MCPH1: variants seen among roughly 807,000 people sequenced by gnomAD.
MCPH1 encodes microcephalin.
In MCPH1, 104 loss-of-function variants were observed where a neutral mutation model predicts 84.5. The observed-to-expected ratio is 1.23, with a 90% CI of 1.05 to 1.45. The LOEUF is 1.45. MCPH1 is among the 40% of genes most tolerant of loss of function. The probability of loss-of-function intolerance (pLI) is 0.00; values close to 1 mark genes in which losing one functional copy is unlikely to be tolerated. For missense variants in MCPH1, 1,498 were observed against 1,005.7 expected, an observed-to-expected ratio of 1.49 and a Z score of -6.62; for synonymous variants, 514 against 366.8, an observed-to-expected ratio of 1.40 and a Z score of -4.58.
chr8:6,443,407 T>C (rs1322886520), intron 7 of MCPH1, among the ~76,000 whole-genome samples: 1 of 147,880 alleles, frequency 6.8e-6, no homozygotes, highest in Non-Finnish European at 1.5e-5. Flanking sequence ...TGGGGCACAG[T>C]TGGAAGGGAA....
At chr8:6,582,697 T>C (rs540371571) in intron 12 of MCPH1, among the ~76,000 whole-genome samples, 7 of 152,198 alleles carry the variant, frequency 4.6e-5, no homozygotes, top group African/African-American at 1.7e-4. Flanking sequence ...AGGAAACCAC[T>C]GTCTGGAATC....
At chr8:6,416,440 G>A (rs1438872667) in intron 3 of MCPH1, among the ~76,000 whole-genome samples, 1 of 152,186 alleles carries the variant, frequency 6.6e-6, no homozygotes, top group African/African-American at 2.4e-5. Context: ...GATGGTAACT[G>A]TGGTTTGTGT....
intron 11 of MCPH1, among the ~76,000 whole-genome samples, chr8:6,486,243 T>C (rs768385538): frequency 1.3e-5 from 2 of 150,714 alleles, no homozygotes; most frequent in South Asian, 2.1e-4. Flanking sequence ...ATTATATACA[T>C]TGACTTTGTG....
Position 6,445,506 on chromosome 8 carries a change from C to A in MCPH1, c.1784C>A (p.Ser595Tyr). 1 of 1,610,024 alleles carries A rather than the reference C, an allele frequency of 6.2e-7. No homozygotes were observed. Among genetic ancestry groups the A allele is most frequent in the South Asian group, 1.1e-5 (1 of 90,074 alleles). Residue 595 changes from serine to tyrosine, a missense_variant, in exon 8 of 14, where the codon TCT becomes TAT. By Grantham distance (144) the Ser-to-Tyr change is moderately radical (BLOSUM62 -2). Coordinates refer to ENST00000344683, the MANE Select transcript of MCPH1 (RefSeq NM_024596.5). ...CFIVDCNMETSTEEKENLPGG... is the reference protein window; with the variant it reads ...CFIVDCNMETYTEEKENLPGG... ...ATAGTTGACTGTAACATGGAGACGT[C>A]TACAGAAGAGAAGGAAAACTTACCC...
At chr8:6,596,577 G>T (rs1828940121) in intron 12 of MCPH1, among the ~76,000 whole-genome samples, 1 of 152,112 alleles carries the variant, frequency 6.6e-6, no homozygotes, top group Admixed American at 6.6e-5. Flanking sequence ...AGACTCTGGA[G>T]CCAGCGTGGA....
intron 3 of MCPH1, among the ~76,000 whole-genome samples, chr8:6,415,568 G>A (rs992149484): frequency 6.6e-6 from 1 of 151,944 alleles, no homozygotes; most frequent in African/African-American, 2.4e-5. Context: ...TGGCCAGGCT[G>A]GTTTCAAACT....
chr8:6,524,104 C>A (rs1563342805), intron 12 of MCPH1, among the ~76,000 whole-genome samples: 2 of 152,162 alleles, frequency 1.3e-5, no homozygotes. Context: ...ATGTCAGATT[C>A]CTCTCTCTGA....
chr8:6,432,512 GCTTT>G (rs1407556976), intron 4 of MCPH1, among the ~76,000 whole-genome samples: 2 of 152,066 alleles, frequency 1.3e-5, no homozygotes, highest in Non-Finnish European at 2.9e-5. Flanking sequence ...AACCTTTTCG[GCTTT>G]CTATTTATGT....
At chr8:6,610,538 G>A (rs944517108) in intron 12 of MCPH1, among the ~76,000 whole-genome samples, 3 of 152,116 alleles carry the variant, frequency 2.0e-5, no homozygotes, top group African/African-American at 7.2e-5. Context: ...TTTCCTTTCT[G>A]CAGTGACAAA....
chr8:6,409,337 A>T lies in MCPH1; in HGVS notation c.81A>T (p.Thr27=). Residue 27 remains threonine, a synonymous_variant, in exon 2 of 14, where the codon ACA becomes ACT. Coordinates refer to ENST00000344683, the MANE Select transcript of MCPH1 (RefSeq NM_024596.5). ...ATGGAACAGAAAATTATTCAAAGAC[A>T]TTTACAACACAGCTTGTGGATATGG... is the stretch of plus-strand genomic sequence containing the variant. ...SSNGTENYSK[T]FTTQLVDMGA... 6.2e-7 allele frequency: 1 copy of T among 1,614,036 alleles called. No homozygotes were observed.
intron 12 of MCPH1, among the ~76,000 whole-genome samples, chr8:6,569,663 C>A (rs1020150382): frequency 6.6e-6 from 1 of 152,202 alleles, no homozygotes; most frequent in Non-Finnish European, 1.5e-5. Flanking sequence ...TAGCCAAGTG[C>A]CTGTGTGTGT....
At chr8:6,463,294 G>T (rs1320738291) in intron 9 of MCPH1, among the ~76,000 whole-genome samples, 3 of 152,170 alleles carry the variant, frequency 2.0e-5, no homozygotes, top group Non-Finnish European at 4.4e-5. Flanking sequence ...TTCGAGAGAT[G>T]CTTTCCTCAT....
intron 13 of MCPH1, among the ~76,000 whole-genome samples, chr8:6,633,960 G>T (rs1447636294): frequency 6.6e-6 from 1 of 152,206 alleles, no homozygotes; most frequent in Non-Finnish European, 1.5e-5. Flanking sequence ...AGCAGTATAA[G>T]TGTGAAGCGT....
rs1437519119 is a variant in MCPH1 at position 6,460,562 on chromosome 8, C to A, written c.1935+5310C>A. Among the ~76,000 whole-genome samples the A allele has an allele frequency of 6.6e-5, 10 of 152,186 alleles. No homozygotes were observed. The East Asian group carries it at 1.9e-3, about 29-fold the overall frequency. Reference sequence around the variant, plus strand: ...CCAGTTCTCTGTCAAAATTATTAATCCTATCTTTTATTTATTTGAACATAT... The same window carrying A: ...CCAGTTCTCTGTCAAAATTATTAATACTATCTTTTATTTATTTGAACATAT... On this transcript the variant is annotated intron_variant, in intron 9 of 13. Transcript: ENST00000344683.
At chr8:6,605,999 G>C (rs1049305030) in intron 12 of MCPH1, among the ~76,000 whole-genome samples, 1 of 152,130 alleles carries the variant, frequency 6.6e-6, no homozygotes, top group Non-Finnish European at 1.5e-5. Context: ...GCCTGGCTTT[G>C]TAAAAAATTT....
At chr8:6,503,985 A>T (rs994018445) in intron 12 of MCPH1, among the ~76,000 whole-genome samples, 9 of 152,218 alleles carry the variant, frequency 5.9e-5, no homozygotes, top group African/African-American at 2.2e-4. Context: ...ACCTGAAGTC[A>T]GCTGGGCCAA....
intron 12 of MCPH1, among the ~76,000 whole-genome samples, chr8:6,512,570 G>A (rs1815373342): frequency 6.6e-6 from 1 of 152,204 alleles, no homozygotes; most frequent in African/African-American, 2.4e-5. Flanking sequence ...GTTGGTGCCA[G>A]TGGGCACACA....
chr8:6,579,074 G>C (rs1827341934), intron 12 of MCPH1, among the ~76,000 whole-genome samples: 1 of 152,196 alleles, frequency 6.6e-6, no homozygotes, highest in South Asian at 2.1e-4. Context: ...CCGATATTGA[G>C]AACTGCACCA....
chr8:6,617,900 A>ATCTATCT (rs1554480975), intron 12 of MCPH1, among the ~76,000 whole-genome samples: 99 of 143,134 alleles, frequency 6.9e-4, no homozygotes, highest in East Asian at 3.1e-3. Flanking sequence ...CTATCTATCT[A>ATCTATCT]ATCTATCTAT....
Sources: gnomAD v4.1 joint callset for allele counts (sites outside exome capture counted in the v4.1 genomes callset) on GRCh38, gnomAD v4.1.1 for gene constraint, MANE v1.5 for transcripts, NCBI Gene and HGNC (gene_info 2026-07-23, HGNC 2026-07-21) for gene names.